ABCA12: variants seen among roughly 807,000 people sequenced by gnomAD.
The protein encoded by ABCA12 is glucosylceramide transporter ABCA12.
ABCA12 carries 156 observed loss-of-function variants against 293.5 expected under a neutral mutation model. That is an observed-to-expected ratio of 0.53 (90% CI 0.47 to 0.61). The LOEUF (loss-of-function observed/expected upper bound fraction) is 0.61. ABCA12 is among the 20% of genes least tolerant of loss of function. The pLI, the probability that ABCA12 is intolerant of heterozygous loss-of-function variation, is 0.00. For missense variants in ABCA12, 2,797 were observed against 3,090.2 expected (o/e 0.91, Z 2.25); for synonymous variants, 1,063 against 1,108.0 (o/e 0.96, Z 0.81).
chr2:215,091,656 C>T (rs1427752786), intron 2 of ABCA12, among the ~76,000 whole-genome samples: 2 of 152,172 alleles, frequency 1.3e-5, no homozygotes, highest in East Asian at 3.8e-4. Context: ...GGCCCTCAAA[C>T]CCCACAACAG....
intron 8 of ABCA12, among the ~76,000 whole-genome samples, chr2:215,032,833 C>T (rs1700908750): frequency 6.6e-6 from 1 of 152,138 alleles, no homozygotes; most frequent in Admixed American, 6.5e-5. Flanking sequence ...TATTTTATTA[C>T]CAGCTTCAAT....
intron 41 of ABCA12, among the ~76,000 whole-genome samples, chr2:214,957,514 T>C (rs2105935933): frequency 6.6e-6 from 1 of 152,330 alleles, no homozygotes; most frequent in Non-Finnish European, 1.5e-5. Context: ...ATTACTATTC[T>C]TTTAGATTTG....
chr2:215,125,649 C>G (rs1702906230), intron 1 of ABCA12, among the ~76,000 whole-genome samples: 1 of 152,052 alleles, frequency 6.6e-6, no homozygotes, highest in Non-Finnish European at 1.5e-5. Flanking sequence ...AATCTTGTAT[C>G]CGGAAACTTC....
Position 214,967,091 on chromosome 2 carries a change from T to C in ABCA12, c.5779-138A>G, listed in dbSNP as rs568653837. ...TAATTTATTTTATCTTGGAAGATTA[T>C]GCACTGTTCTCTAGAGTACTGACCA... On this transcript the variant is annotated intron_variant, in intron 38 of 52. Transcript: ENST00000272895. The C allele has an allele frequency of 2.4e-5, 19 of 793,488 alleles. 1 individual carries two copies. In the South Asian group the frequency reaches 2.8e-4, roughly 12 times the overall value. 49.2% of individuals were successfully genotyped at this position (793,488 alleles called of 1,614,324 possible).
chr2:215,060,201 A>G (rs1279999736), intron 3 of ABCA12, among the ~76,000 whole-genome samples: 1 of 152,030 alleles, frequency 6.6e-6, no homozygotes, highest in Admixed American at 6.6e-5. Flanking sequence ...ATAGCAGTTT[A>G]CGTGTTATCT....
At chr2:214,978,781 A>G (rs1437419312) in intron 32 of ABCA12, 23 bp downstream of exon 32, 1 of 1,609,386 alleles carries the variant, frequency 6.2e-7, no homozygotes, top group South Asian at 1.1e-5. Context: ...GCTTGAAGAA[A>G]AAAAAGAAAT....
At chr2:215,103,264 TTTC>T (rs1481465125) in intron 2 of ABCA12, among the ~76,000 whole-genome samples, 3 of 81,570 alleles carry the variant, frequency 3.7e-5, no homozygotes, top group Admixed American at 2.8e-4. Context: ...TTAAAATTTC[TTTC>T]TTTTTTTTTT....
At chr2:215,092,696 G>T (rs1702172193) in intron 2 of ABCA12, among the ~76,000 whole-genome samples, 1 of 152,056 alleles carries the variant, frequency 6.6e-6, no homozygotes, top group African/African-American at 2.4e-5. Context: ...CCAAAAACTG[G>T]ACAAGTCTTA....
At chr2:215,006,038 A>AAGTG (rs10666843) in intron 19 of ABCA12, among the ~76,000 whole-genome samples, 3 of 151,838 alleles carry the variant, frequency 2.0e-5, no homozygotes, top group African/African-American at 7.3e-5. Context: ...TTACAATATT[A>AAGTG]TTTCCTCAAT....
chr2:215,042,203 A>G (rs762046047), intron 7 of ABCA12: 2 of 152,210 alleles, frequency 1.3e-5, no homozygotes, highest in Non-Finnish European at 2.9e-5. Flanking sequence ...GTCAAATGTC[A>G]TTTGCTTCAT....
intron 2 of ABCA12, among the ~76,000 whole-genome samples, chr2:215,091,271 C>T (rs1298606959): frequency 6.6e-6 from 1 of 152,146 alleles, no homozygotes; most frequent in African/African-American, 2.4e-5. Flanking sequence ...AATTCTTCCA[C>T]AGCCTCTGCT....
intron 46 of ABCA12, 106 bp downstream of exon 46, chr2:214,948,934 A>G: frequency 8.3e-7 from 1 of 1,197,796 alleles, no homozygotes; most frequent in Non-Finnish European, 1.2e-6. Flanking sequence ...GTTCTCCCCT[A>G]AGGACTGAAT....
chr2:214,981,010 G>A (rs528658986), intron 30 of ABCA12, among the ~76,000 whole-genome samples: 2 of 151,752 alleles, frequency 1.3e-5, no homozygotes, highest in East Asian at 1.9e-4. Flanking sequence ...TCTTGAACCC[G>A]GGAGGTGGAG....
intron 9 of ABCA12, among the ~76,000 whole-genome samples, chr2:215,031,332 G>T (rs1700872125): frequency 6.6e-6 from 1 of 152,156 alleles, no homozygotes; most frequent in African/African-American, 2.4e-5. Context: ...AAAATTAGAG[G>T]CTGCTATGGT....
chr2:214,960,362 ACTTTT>A (rs909254636), intron 39 of ABCA12: 1 of 152,114 alleles, frequency 6.6e-6, no homozygotes, highest in African/African-American at 2.4e-5. Flanking sequence ...GTAAGGGAGA[ACTTTT>A]CTTTTATTTC....
chr2:214,966,660 GAAGTT>G (rs1699266807), intron 39 of ABCA12, among the ~76,000 whole-genome samples, 183 bp downstream of exon 39: 1 of 152,116 alleles, frequency 6.6e-6, no homozygotes, highest in Admixed American at 6.6e-5. Context: ...AAATTGACCT[GAAGTT>G]AAGAGGATTA....
intron 40 of ABCA12, 54 bp downstream of exon 40, chr2:214,958,970 C>G: frequency 6.5e-7 from 1 of 1,529,970 alleles, no homozygotes; most frequent in Non-Finnish European, 9.1e-7. Context: ...GCACTTTATA[C>G]AAAGGCTCAG....
At chr2:215,083,444 A>G (rs1181124155) in intron 2 of ABCA12, among the ~76,000 whole-genome samples, 1 of 152,200 alleles carries the variant, frequency 6.6e-6, no homozygotes, top group Non-Finnish European at 1.5e-5. Context: ...ATGGGAGACA[A>G]GGAGAAAAGC....
rs1559213999 is a variant in ABCA12, at chr2:215,134,464, A to ATATATGCG, written c.69+3675_69+3676insCGCATATA. ...TATACGTATATATGTACATATATGC[A>ATATATGCG]TATGTGTATGTGTATATATACGTAT... On this transcript the variant is annotated intron_variant, in intron 1 of 52. Transcript: ENST00000272895. Among the ~76,000 whole-genome samples the ATATATGCG allele has an allele frequency of 9.6e-4, 118 of 122,452 alleles. 2 individuals carry two copies. Among genetic ancestry groups the ATATATGCG allele is most frequent in the African/African-American group, 3.7e-3 (115 of 30,990 alleles). The allele number at this position is 122,452 out of a possible 152,430, so 80.3% of individuals were successfully genotyped here.
Sources: allele counts gnomAD v4.1 joint callset (sites outside exome capture counted in the v4.1 genomes callset), GRCh38; gene constraint gnomAD v4.1.1; transcripts MANE v1.5; gene names NCBI Gene and HGNC (gene_info 2026-07-23, HGNC 2026-07-21).